Variants in SLC16A7 observed in about 807,000 individuals in gnomAD.
SLC16A7 encodes monocarboxylate transporter 2.
SLC16A7 carries 33 observed loss-of-function variants against 34.9 expected under a neutral mutation model. The observed-to-expected ratio is 0.94, with a 90% CI of 0.72 to 1.26. The LOEUF is 1.26. Among genes scored for constraint, SLC16A7 ranks in the 50% most tolerant of loss-of-function variants. SLC16A7 has a pLI of 0.00. For synonymous variants in SLC16A7, 201 were observed against 206.6 expected (o/e 0.97, Z 0.23); for missense variants, 573 against 578.1 (o/e 0.99, Z 0.09).
intron 1 of SLC16A7, among the ~76,000 whole-genome samples, chr12:59,639,884 C>A (rs1880598313): frequency 1.3e-5 from 2 of 152,182 alleles, no homozygotes; most frequent in South Asian, 4.1e-4. Context: ...TTCCATACTT[C>A]AGATGCCAAT....
chr12:59,759,362 T>G (rs959179994), intron 3 of SLC16A7, among the ~76,000 whole-genome samples: 2 of 152,002 alleles, frequency 1.3e-5, no homozygotes, highest in African/African-American at 4.8e-5. Flanking sequence ...GTTCACTGAA[T>G]AAGATTTACT....
chr12:59,602,674 A>G (rs139408589), intron 1 of SLC16A7, among the ~76,000 whole-genome samples: 3,063 of 151,754 alleles, frequency 0.02, 93 homozygotes, highest in African/African-American at 0.07. Flanking sequence ...TAGTAGAAAT[A>G]GGGTTTCACC....
At chr12:59,680,821 T>A (rs1644512954) in intron 2 of SLC16A7, among the ~76,000 whole-genome samples, 1 of 152,158 alleles carries the variant, frequency 6.6e-6, no homozygotes, top group Non-Finnish European at 1.5e-5. Context: ...TAGTAATAAT[T>A]GTAGTTCTTC....
chr12:59,602,812 G>C (rs1243853473), intron 1 of SLC16A7, among the ~76,000 whole-genome samples: 3 of 152,020 alleles, frequency 2.0e-5, no homozygotes, highest in Non-Finnish European at 2.9e-5. Context: ...GCATTCTGTT[G>C]ATTGACAAAG....
intron 1 of SLC16A7, among the ~76,000 whole-genome samples, chr12:59,628,649 TAA>T (rs1451029194): frequency 1.3e-4 from 20 of 151,832 alleles, no homozygotes; most frequent in African/African-American, 4.8e-4. Context: ...TGTGTGTGTG[TAA>T]GTGTGCGTGT....
intron 1 of SLC16A7, among the ~76,000 whole-genome samples, chr12:59,599,144 C>T (rs750866557): frequency 6.6e-6 from 1 of 152,120 alleles, no homozygotes; most frequent in South Asian, 2.1e-4. Flanking sequence ...TAGCCCAGTA[C>T]AGTGTCTGGC....
chr12:59,729,917 G>A (rs1876735416), intron 3 of SLC16A7, among the ~76,000 whole-genome samples: 1 of 152,158 alleles, frequency 6.6e-6, no homozygotes, highest in South Asian at 2.1e-4. Context: ...AGTAAGTTTA[G>A]GAAGGGATTC....
chr12:59,619,526 T>C (rs1192685139), intron 1 of SLC16A7, among the ~76,000 whole-genome samples: 6 of 152,198 alleles, frequency 3.9e-5, no homozygotes, highest in Middle Eastern at 3.4e-3. Flanking sequence ...GTCATTTACA[T>C]GTTTATAAAT....
chr12:59,706,194 A>G (rs1446550019), intron 3 of SLC16A7, among the ~76,000 whole-genome samples: 8 of 152,142 alleles, frequency 5.3e-5, no homozygotes, highest in Non-Finnish European at 7.4e-5. Flanking sequence ...ACAAAGCCAG[A>G]TCTGGCCCAG....
intron 2 of SLC16A7, chr12:59,689,444 A>G (rs1468930030): frequency 6.6e-6 from 1 of 151,984 alleles, no homozygotes; most frequent in East Asian, 1.9e-4. Context: ...GAAATGGAAG[A>G]CCATGTTTCT....
Position 59,627,355 on chromosome 12 carries a change from T to A in SLC16A7, c.-129-27797T>A, listed in dbSNP as rs138535981. Among the ~76,000 whole-genome samples, 181 of 152,086 alleles carry A rather than the reference T, an allele frequency of 1.2e-3. 1 individual carries two copies. Among genetic ancestry groups the A allele is most frequent in the African/African-American group, 4.0e-3 (166 of 41,546 alleles). ...GATAGACCAGTATTTGCATTTCTTG[T>A]GCTGTATAAAGTATACATCAATTTC... On this transcript the variant is annotated intron_variant, in intron 1 of 5. Transcript: ENST00000547379.
At chr12:59,773,041 T>G (rs1882384641) in intron 4 of SLC16A7, among the ~76,000 whole-genome samples, 1 of 151,626 alleles carries the variant, frequency 6.6e-6, no homozygotes, top group South Asian at 2.1e-4. Flanking sequence ...AATGAAAATA[T>G]GGATTAAGAT....
rs1291113153 is a variant in SLC16A7 at position 59,774,938 on chromosome 12, G to A, written c.643G>A (p.Glu215Lys). The change falls in exon 5 of 6, where the codon GAA becomes AAA. Residue 215 changes from glutamate to lysine, a missense_variant. By Grantham distance (56) the Glu-to-Lys change is moderately conservative. Transcript: ENST00000547379. ...SKSKNKTGKT[E>K]DDSSPKKIKT... The stretch of plus-strand genomic sequence containing the variant: ...GTCTAAAAATAAGACTGGCAAAACA[G>A]AAGATGATTCAAGCCCAAAGAAAAT... The A allele has an allele frequency of 1.2e-6, 2 of 1,613,802 alleles. No homozygotes were observed. The highest frequency in any genetic ancestry group is 2.7e-5 in the African/African-American group (2 of 74,908).
intron 1 of SLC16A7, among the ~76,000 whole-genome samples, chr12:59,599,712 C>G (rs1878594142): frequency 6.6e-6 from 1 of 152,122 alleles, no homozygotes; most frequent in African/African-American, 2.4e-5. Flanking sequence ...CTGTTATTGC[C>G]CTTTGTTCCC....
In SLC16A7 at chr12:59,596,986, T is replaced by C. The variant is rs17122673; in HGVS notation, c.-130+750T>C. ...GGTCTTGCTGGGCCACTGCACCACA[T>C]TGGGGGCGCCAGGCCCGGTCAGGTG... On this transcript the variant is annotated intron_variant, in intron 1 of 5. Coordinates refer to ENST00000547379, the MANE Select transcript of SLC16A7 (RefSeq NM_001270623.2). This position sits in a 1 kb window ranked among gnomAD's most constrained non-coding sequence, Gnocchi z 5.0. 11,675 of 152,318 alleles carry C rather than the reference T, an allele frequency of 0.077. 583 individuals are homozygous for C. Among genetic ancestry groups the C allele is most frequent in the Non-Finnish European group, 0.11 (7,790 of 68,064 alleles). 9.4% of individuals were successfully genotyped at this position (152,318 alleles called of 1,614,324 possible).
intron 3 of SLC16A7, among the ~76,000 whole-genome samples, chr12:59,721,550 G>A (rs1364806921): frequency 2.6e-5 from 4 of 151,940 alleles, no homozygotes; most frequent in Non-Finnish European, 5.9e-5. Flanking sequence ...AATGGAAAAT[G>A]TTATTTAGAC....
chr12:59,768,253 T>A, intron 3 of SLC16A7: 1 of 453,334 alleles, frequency 2.2e-6, no homozygotes, highest in Non-Finnish European at 4.4e-6. Context: ...AATACCAACA[T>A]TAACAGAAGT....
At chr12:59,613,268 G>C (rs1012594235) in intron 1 of SLC16A7, among the ~76,000 whole-genome samples, 2 of 152,204 alleles carry the variant, frequency 1.3e-5, no homozygotes, top group Non-Finnish European at 2.9e-5. Flanking sequence ...GATCTTGTGA[G>C]AACTCACTCA....
intron 1 of SLC16A7, among the ~76,000 whole-genome samples, chr12:59,612,381 T>G (rs933020404): frequency 7.2e-5 from 11 of 152,118 alleles, no homozygotes; most frequent in Non-Finnish European, 4.4e-5. Flanking sequence ...ACACACAGGG[T>G]ACCACATTCT....
Sources: gnomAD v4.1 joint callset for allele counts (sites outside exome capture counted in the v4.1 genomes callset) on GRCh38, gnomAD v4.1.1 for gene constraint, Gnocchi (gnomAD v3.1) non-coding constraint, MANE v1.5 for transcripts, NCBI Gene and HGNC (gene_info 2026-07-23, HGNC 2026-07-21) for gene names.